Variants in UIMC1 observed in about 807,000 individuals in gnomAD.
The protein encoded by UIMC1 is ubiquitin interaction motif containing 1, also known as BRCA1-A complex subunit RAP80.
In UIMC1, 42 loss-of-function variants were observed where a neutral mutation model predicts 84.9. That is an observed-to-expected ratio of 0.49 (90% CI 0.39 to 0.64). The LOEUF (loss-of-function observed/expected upper bound fraction) is 0.64. UIMC1 is among the 30% of genes least tolerant of loss of function. UIMC1 has a pLI of 0.00. For synonymous variants in UIMC1, 281 were observed against 293.0 expected (o/e 0.96, Z 0.42); for missense variants, 825 against 847.6 (o/e 0.97, Z 0.33).
At chr5:176,907,080 C>A (rs1292306931) in intron 13 of UIMC1, 34 bp downstream of exon 13, 3 of 1,608,888 alleles carry the variant, frequency 1.9e-6, no homozygotes, top group African/African-American at 2.7e-5. Context: ...AGGCCTTAGG[C>A]AGAAGCCCAG....
At chr5:177,021,597 C>T (rs1197834721) in intron 1 of UIMC1, among the ~76,000 whole-genome samples, 2 of 151,204 alleles carry the variant, frequency 1.3e-5, no homozygotes, top group Non-Finnish European at 2.9e-5. Flanking sequence ...ACATCAGGAT[C>T]AGGGAGGTTA....
At chr5:176,984,420 T>A (rs1427290006) in intron 1 of UIMC1, among the ~76,000 whole-genome samples, 1 of 140,592 alleles carries the variant, frequency 7.1e-6, no homozygotes, top group Admixed American at 7.2e-5. Context: ...CCACCCCGTC[T>A]GGGAAGTGGG....
intron 10 of UIMC1, among the ~76,000 whole-genome samples, chr5:176,919,827 C>A (rs939503072): frequency 6.6e-6 from 1 of 152,116 alleles, no homozygotes; most frequent in African/African-American, 2.4e-5. Context: ...ACTTCTGGAC[C>A]CTCAATTCTA....
At chr5:177,001,104 T>TC (rs1159833235) in intron 1 of UIMC1, among the ~76,000 whole-genome samples, 1 of 152,216 alleles carries the variant, frequency 6.6e-6, no homozygotes, top group Non-Finnish European at 1.5e-5. Flanking sequence ...CTAGAGAGTT[T>TC]CCCCAAAGTT....
At chr5:176,977,557 T>C (rs1331376200) in intron 2 of UIMC1, among the ~76,000 whole-genome samples, 1 of 131,554 alleles carries the variant, frequency 7.6e-6, no homozygotes, top group African/African-American at 3.0e-5. Context: ...CACTCCAACC[T>C]GGATGACAGA....
chr5:176,977,582 C>CAAAA (rs1270486136), intron 2 of UIMC1, among the ~76,000 whole-genome samples: 2 of 47,776 alleles, frequency 4.2e-5, no homozygotes, highest in African/African-American at 8.1e-5. Context: ...GACTCCATCT[C>CAAAA]AAAAAAAAAA....
chr5:176,942,930 C>T (rs539077772), intron 10 of UIMC1, among the ~76,000 whole-genome samples: 22 of 151,886 alleles, frequency 1.4e-4, no homozygotes, highest in African/African-American at 5.3e-4. Flanking sequence ...GGCATGGTGG[C>T]GCAAGCCTGT....
chr5:176,923,494 G>A (rs1230740933), intron 10 of UIMC1, among the ~76,000 whole-genome samples: 1 of 151,806 alleles, frequency 6.6e-6, no homozygotes, highest in African/African-American at 2.4e-5. Flanking sequence ...AGGCTGCAGT[G>A]AGCTGAGACA....
At chr5:176,968,276 G>A (rs1768622775) in intron 6 of UIMC1, among the ~76,000 whole-genome samples, 1 of 151,944 alleles carries the variant, frequency 6.6e-6, no homozygotes, top group African/African-American at 2.4e-5. Flanking sequence ...GAAGGCTGAG[G>A]CAGGAGAACT....
In UIMC1 at chr5:176,929,861, AGAGCCCT is replaced by A. The variant is rs1310343094; in HGVS notation, c.1597+13467_1597+13473del. Among the ~76,000 whole-genome samples the A allele has an allele frequency of 1.2e-4, 19 of 152,340 alleles. No homozygotes were observed. The East Asian group carries it at 3.5e-3, about 28-fold the overall frequency. On this transcript the variant is annotated intron_variant, in intron 10 of 14. Coordinates refer to ENST00000511320, the MANE Select transcript of UIMC1 (RefSeq NM_001199298.2). ...GATAAGGATCTAGGAAAAAACCACAAGAGCCCTCCTTCTAAAGAATCATCAATGGCAG... is the reference window on the plus strand; with the variant it reads ...GATAAGGATCTAGGAAAAAACCACAACCTTCTAAAGAATCATCAATGGCAG...
At chr5:176,984,439 C>T (rs1316628124) in intron 1 of UIMC1, among the ~76,000 whole-genome samples, 1 of 150,186 alleles carries the variant, frequency 6.7e-6, no homozygotes, top group Non-Finnish European at 1.5e-5. Context: ...GGGAGCGCCT[C>T]TGCCCGGCTG....
chr5:176,971,695 G>A (rs1241278978), intron 3 of UIMC1, among the ~76,000 whole-genome samples: 3 of 151,268 alleles, frequency 2.0e-5, no homozygotes, highest in Non-Finnish European at 3.0e-5. Context: ...GATCATGTGA[G>A]GTCAGGAATT....
chr5:176,908,486 G>A, intron 12 of UIMC1, 37 bp downstream of exon 12: 3 of 1,584,296 alleles, frequency 1.9e-6, no homozygotes, highest in Non-Finnish European at 2.6e-6. Flanking sequence ...ACAACCAGGA[G>A]GGTTAGGTGG....
At chr5:177,003,123 A>C (rs938481006) in intron 1 of UIMC1, among the ~76,000 whole-genome samples, 3 of 152,132 alleles carry the variant, frequency 2.0e-5, no homozygotes, top group African/African-American at 7.2e-5. Context: ...AAAAAAATTA[A>C]AGTGCCACGA....
Position 176,935,195 on chromosome 5 carries a change from G to A in UIMC1, c.1597+8140C>T, listed in dbSNP as rs1038749920. 5.3e-5 allele frequency among the ~76,000 whole-genome samples: 8 copies of A among 152,168 alleles called. No individual in the cohort carries two copies. In the South Asian group the frequency reaches 1.7e-3, roughly 31 times the overall value. On this transcript the variant is annotated intron_variant, in intron 10 of 14. Transcript: ENST00000511320. Reference sequence around the variant, plus strand: ...AACCCACATGATTCAAGTTACATTTGTCATTCTCCAACTGCCCACCATTTC... The same window carrying A: ...AACCCACATGATTCAAGTTACATTTATCATTCTCCAACTGCCCACCATTTC...
chr5:176,926,790 A>G (rs1434802105), intron 10 of UIMC1, among the ~76,000 whole-genome samples: 2 of 152,124 alleles, frequency 1.3e-5, no homozygotes, highest in Admixed American at 6.5e-5. Flanking sequence ...GAGAAATAGG[A>G]GGGATAAAGG....
At chr5:176,976,168 G>C (rs1489147496) in intron 2 of UIMC1, among the ~76,000 whole-genome samples, 1 of 151,664 alleles carries the variant, frequency 6.6e-6, no homozygotes, top group Non-Finnish European at 1.5e-5. Flanking sequence ...TAATTAAAAA[G>C]AATTTTTTTT....
intron 10 of UIMC1, among the ~76,000 whole-genome samples, chr5:176,928,779 G>T (rs564037828): frequency 6.6e-6 from 1 of 151,858 alleles, no homozygotes; most frequent in African/African-American, 2.4e-5. Flanking sequence ...GTGAAACCCC[G>T]TCTCTACTAA....
intron 10 of UIMC1, among the ~76,000 whole-genome samples, chr5:176,921,246 T>C (rs747517320): frequency 1.4e-4 from 22 of 152,194 alleles, no homozygotes; most frequent in Non-Finnish European, 2.8e-4. Flanking sequence ...CACACGGCTA[T>C]CTAAGGCTCA....
Sources: gnomAD v4.1 joint callset for allele counts (sites outside exome capture counted in the v4.1 genomes callset) on GRCh38, gnomAD v4.1.1 for gene constraint, MANE v1.5 for transcripts, NCBI Gene and HGNC (gene_info 2026-07-23, HGNC 2026-07-21) for gene names.